The following DAB2IP variants were observed in gnomAD, a reference collection of about 807,000 sequenced individuals.
DAB2IP encodes DAB2 interacting protein, also known as disabled homolog 2-interacting protein.
Under a neutral mutation model 107.2 loss-of-function variants are expected in DAB2IP, and 28 were observed. The observed-to-expected ratio is 0.26, with a 90% CI of 0.19 to 0.36. The LOEUF (loss-of-function observed/expected upper bound fraction) is 0.36. Ranked by LOEUF, DAB2IP falls within the 10% of genes least tolerant of loss-of-function variation. The pLI, the probability that DAB2IP is intolerant of heterozygous loss-of-function variation, is 1.00. For synonymous variants in DAB2IP, 755 were observed against 706.4 expected (o/e 1.07, Z -1.09); for missense variants, 1,400 against 1,644.7 (o/e 0.85, Z 2.57).
chr9:121,759,811 C>T, intron 5 of DAB2IP, 74 bp from the exon 6 acceptor site: 1 of 1,410,652 alleles, frequency 7.1e-7, no homozygotes, highest in Non-Finnish European at 9.7e-7. Flanking sequence ...TGAGGACTCT[C>T]TCAGGCTCTG....
chr9:121,757,935 C>T (rs1273196623), intron 4 of DAB2IP, among the ~76,000 whole-genome samples: 1 of 152,222 alleles, frequency 6.6e-6, no homozygotes, highest in Non-Finnish European at 1.5e-5. Context: ...TGACAATCTC[C>T]TGGCACCCCC....
chr9:121,726,202 A>G (rs1443986320), intron 3 of DAB2IP, among the ~76,000 whole-genome samples: 1 of 152,216 alleles, frequency 6.6e-6, no homozygotes, highest in African/African-American at 2.4e-5. Flanking sequence ...GCCAATGGCT[A>G]GTGCTTTAAT....
chr9:121,627,792 T>C (rs1018316989), intron 1 of DAB2IP, among the ~76,000 whole-genome samples: 2 of 152,244 alleles, frequency 1.3e-5, no homozygotes, highest in Admixed American at 6.5e-5. Flanking sequence ...TTTAAATTTC[T>C]TTTTTAAAGT....
At chr9:121,775,381 T>C (rs1835126661) in intron 13 of DAB2IP, among the ~76,000 whole-genome samples, 1 of 152,160 alleles carries the variant, frequency 6.6e-6, no homozygotes, top group Non-Finnish European at 1.5e-5. Context: ...GCTTTCACCA[T>C]AGTTACATGA....
chr9:121,631,949 A>T (rs1275856231), intron 1 of DAB2IP, among the ~76,000 whole-genome samples: 1 of 151,556 alleles, frequency 6.6e-6, no homozygotes, highest in Non-Finnish European at 1.5e-5. Flanking sequence ...TGGAGAGACG[A>T]TGGGAGAGGA....
chr9:121,575,024 G>C (rs1399565232), intron 1 of DAB2IP: 11 of 152,694 alleles, frequency 7.2e-5, no homozygotes, highest in Non-Finnish European at 1.6e-4. Context: ...AGTGGGGGTT[G>C]GCTGGTGAGG....
chr9:121,711,277 G>T (rs1168692476), intron 3 of DAB2IP, among the ~76,000 whole-genome samples: 2 of 152,242 alleles, frequency 1.3e-5, no homozygotes, highest in East Asian at 3.8e-4. Context: ...GGACTGGGGA[G>T]CAGTCTGTCC....
intron 2 of DAB2IP, among the ~76,000 whole-genome samples, chr9:121,682,206 C>T (rs753421763): frequency 4.6e-5 from 7 of 152,182 alleles, no homozygotes; most frequent in Admixed American, 6.5e-5. Flanking sequence ...TATGTCCTCA[C>T]GTGCTCAGCT....
intron 1 of DAB2IP, among the ~76,000 whole-genome samples, chr9:121,678,241 A>G (rs1257849761): frequency 6.6e-6 from 1 of 152,236 alleles, no homozygotes; most frequent in African/African-American, 2.4e-5. Context: ...TATAAATGGG[A>G]TCATACAAAA....
At chr9:121,694,808 G>A (rs1345496001) in intron 2 of DAB2IP, among the ~76,000 whole-genome samples, 2 of 152,130 alleles carry the variant, frequency 1.3e-5, no homozygotes, top group Non-Finnish European at 2.9e-5. Flanking sequence ...AGCTATCCAC[G>A]CCCAGCCGTC....
At chr9:121,579,882 C>A (rs1305791837) in intron 1 of DAB2IP, among the ~76,000 whole-genome samples, 3 of 152,222 alleles carry the variant, frequency 2.0e-5, no homozygotes, top group African/African-American at 7.2e-5. Flanking sequence ...AAGGAGCACT[C>A]AAAGCCTCCT....
chr9:121,638,922 A>T (rs1832182972), intron 1 of DAB2IP, among the ~76,000 whole-genome samples: 1 of 152,182 alleles, frequency 6.6e-6, no homozygotes, highest in African/African-American at 2.4e-5. Flanking sequence ...GGTGGGAATC[A>T]TGGGAGCAAA....
chr9:121,752,728 C>G (rs1833210485), intron 3 of DAB2IP, among the ~76,000 whole-genome samples: 1 of 152,238 alleles, frequency 6.6e-6, no homozygotes. Flanking sequence ...GTGCCAAGTT[C>G]TGGGGCTGGC....
chr9:121,738,529 C>T (rs1444190779), intron 3 of DAB2IP, among the ~76,000 whole-genome samples: 1 of 152,098 alleles, frequency 6.6e-6, no homozygotes, highest in East Asian at 1.9e-4. Flanking sequence ...GTGGGTTGGC[C>T]TTGTTCAGAT....
intron 3 of DAB2IP, among the ~76,000 whole-genome samples, chr9:121,734,106 G>A (rs1213270824): frequency 6.6e-6 from 1 of 151,172 alleles, no homozygotes; most frequent in African/African-American, 2.5e-5. Flanking sequence ...GGCCGGGCGC[G>A]GTGGCTCACG....
At chr9:121,667,867 A>G (rs796077185) in intron 1 of DAB2IP, among the ~76,000 whole-genome samples, 12 of 152,230 alleles carry the variant, frequency 7.9e-5, no homozygotes, top group African/African-American at 2.9e-4. Context: ...CATACCCAAG[A>G]CTGGGAAGAA....
At chr9:121,726,495 G>C (rs1244956464) in intron 3 of DAB2IP, among the ~76,000 whole-genome samples, 2 of 152,214 alleles carry the variant, frequency 1.3e-5, no homozygotes, top group Non-Finnish European at 2.9e-5. Flanking sequence ...ATAGCCAGTC[G>C]GTGGGAAGCA....
At chr9:121,734,031 C>T (rs1304479889) in intron 3 of DAB2IP, among the ~76,000 whole-genome samples, 1 of 152,266 alleles carries the variant, frequency 6.6e-6, no homozygotes, top group Non-Finnish European at 1.5e-5. Flanking sequence ...ATTCCCCCAG[C>T]TACACGTGGC....
At chr9:121,678,712 C>A (rs1404339206) in exon 2 of DAB2IP, 1 of 1,593,622 alleles carries the variant, frequency 6.3e-7, no homozygotes, top group South Asian at 1.1e-5. Flanking sequence ...CTCGGCGCAG[C>A]CTGCCTGGCA....
Sources: allele counts gnomAD v4.1 joint callset (sites outside exome capture counted in the v4.1 genomes callset), GRCh38; gene constraint gnomAD v4.1.1; transcripts MANE v1.5; gene names NCBI Gene and HGNC (gene_info 2026-07-23, HGNC 2026-07-21).